The following NAALADL2 variants were observed in gnomAD, a reference collection of about 807,000 sequenced individuals.
NAALADL2 encodes N-acetylated alpha-linked acidic dipeptidase like 2, also known as inactive N-acetylated-alpha-linked acidic dipeptidase-like protein 2.
NAALADL2 carries 76 observed loss-of-function variants against 87.2 expected under a neutral mutation model. The ratio of observed to expected loss-of-function variants is 0.87; its 90% confidence interval spans 0.72 to 1.05. The LOEUF (loss-of-function observed/expected upper bound fraction) is 1.05. Ranked by LOEUF, NAALADL2 falls within the 50% of genes least tolerant of loss-of-function variation. The pLI is 0.00. For missense variants in NAALADL2, 1,089 were observed against 945.8 expected, an observed-to-expected ratio of 1.15 and a Z score of -1.99; for synonymous variants, 354 against 331.0, an observed-to-expected ratio of 1.07 and a Z score of -0.75.
At chr3:175,151,037 T>A (rs1731471284) in intron 2 of NAALADL2, among the ~76,000 whole-genome samples, 3 of 152,134 alleles carry the variant, frequency 2.0e-5, no homozygotes, top group Admixed American at 2.0e-4. Flanking sequence ...AATTCAAAAT[T>A]TGTTTAAACA....
At chr3:175,780,267 C>T (rs1750861145) in intron 13 of NAALADL2, among the ~76,000 whole-genome samples, 1 of 150,960 alleles carries the variant, frequency 6.6e-6, no homozygotes, top group African/African-American at 2.4e-5. Flanking sequence ...CAGAGCGAGA[C>T]TCTGTCTCAA....
intron 1 of NAALADL2, among the ~76,000 whole-genome samples, chr3:174,930,037 T>A (rs1736638756): frequency 6.6e-6 from 1 of 152,208 alleles, no homozygotes; most frequent in Non-Finnish European, 1.5e-5. Context: ...TTAGTTTCTC[T>A]CTTAGTGTAC....
chr3:175,601,372 A>G (rs1019325252), intron 10 of NAALADL2, among the ~76,000 whole-genome samples: 3 of 152,306 alleles, frequency 2.0e-5, no homozygotes, highest in South Asian at 4.1e-4. Context: ...GCTTTCTTAC[A>G]CCAAACAGCA....
chr3:175,785,051 G>A (rs1014853921), intron 13 of NAALADL2, among the ~76,000 whole-genome samples: 1 of 151,192 alleles, frequency 6.6e-6, no homozygotes, highest in African/African-American at 2.4e-5. Flanking sequence ...TAGTTTGATT[G>A]CACTGTGGTC....
At chr3:175,309,281 G>T (rs1027590004) in intron 4 of NAALADL2, among the ~76,000 whole-genome samples, 4 of 151,998 alleles carry the variant, frequency 2.6e-5, no homozygotes. Context: ...TACCTCCCGG[G>T]TTCAAGTGAT....
intron 1 of NAALADL2, among the ~76,000 whole-genome samples, chr3:174,887,250 T>C (rs920152405): frequency 6.8e-6 from 1 of 147,872 alleles, no homozygotes; most frequent in Non-Finnish European, 1.5e-5. Context: ...TAGTTAAATG[T>C]AATTTAGATG....
At chr3:175,187,507 C>T (rs1393594813) in intron 2 of NAALADL2, among the ~76,000 whole-genome samples, 1 of 151,898 alleles carries the variant, frequency 6.6e-6, no homozygotes. Context: ...TTTTTTGTTC[C>T]CGCAAGTCTT....
At chr3:175,168,293 C>T (rs991409369) in intron 2 of NAALADL2, among the ~76,000 whole-genome samples, 5 of 151,872 alleles carry the variant, frequency 3.3e-5, no homozygotes, top group African/African-American at 1.2e-4. Flanking sequence ...GGAACTAAAA[C>T]TAGGCTACTT....
chr3:174,533,264 AC>A (rs1340803693), intron 1 of NAALADL2, among the ~76,000 whole-genome samples: 1 of 151,406 alleles, frequency 6.6e-6, no homozygotes, highest in African/African-American at 2.4e-5. Context: ...CCAAGGAGGC[AC>A]CCCTCTGCAT....
chr3:175,253,869 G>A (rs966610501), intron 3 of NAALADL2, among the ~76,000 whole-genome samples: 15 of 152,154 alleles, frequency 9.9e-5, no homozygotes, highest in African/African-American at 3.4e-4. Flanking sequence ...ACCTGAAGAT[G>A]TGACTAAATT....
At chr3:174,839,826 A>G (rs934196901) in intron 3 of NAALADL2, among the ~76,000 whole-genome samples, 2 of 147,284 alleles carry the variant, frequency 1.4e-5, no homozygotes, top group African/African-American at 5.2e-5. Context: ...GAATGGCCAT[A>G]ATAAAAAAAA....
At chr3:175,361,713 T>C (rs1207757693) in intron 5 of NAALADL2, among the ~76,000 whole-genome samples, 2 of 148,452 alleles carry the variant, frequency 1.3e-5, no homozygotes, top group East Asian at 2.0e-4. Context: ...TTGATGGGGT[T>C]GTTTGATTTT....
intron 1 of NAALADL2, among the ~76,000 whole-genome samples, chr3:175,004,109 C>G (rs12633104): frequency 0.078 from 11,846 of 152,168 alleles, 508 homozygotes; most frequent in East Asian, 0.12. Context: ...GGAATGGTAG[C>G]TAATGCCTGT....
At chr3:174,461,764 G>C (rs1426377933) in intron 1 of NAALADL2, among the ~76,000 whole-genome samples, 2 of 151,968 alleles carry the variant, frequency 1.3e-5, no homozygotes, top group Non-Finnish European at 2.9e-5. Flanking sequence ...CTATACTATA[G>C]TGCCCTTATA....
intron 12 of NAALADL2, among the ~76,000 whole-genome samples, chr3:175,753,615 C>T (rs1746882455): frequency 1.3e-5 from 2 of 152,106 alleles, no homozygotes; most frequent in Admixed American, 6.5e-5. Context: ...TAGCATATCA[C>T]CTCTCTGTAA....
chr3:175,667,396 G>A (rs991472929), intron 11 of NAALADL2, among the ~76,000 whole-genome samples: 20 of 152,048 alleles, frequency 1.3e-4, no homozygotes, highest in African/African-American at 4.1e-4. Context: ...AAATTGTCAC[G>A]TTTAAAATCT....
intron 2 of NAALADL2, among the ~76,000 whole-genome samples, chr3:174,561,104 A>C (rs1336911684): frequency 6.6e-6 from 1 of 152,158 alleles, no homozygotes; most frequent in African/African-American, 2.4e-5. Flanking sequence ...TAAGCGGTAA[A>C]TTTATAACCC....
chr3:174,457,076 C>T (rs1297009682), intron 1 of NAALADL2, among the ~76,000 whole-genome samples: 1 of 151,928 alleles, frequency 6.6e-6, no homozygotes, highest in African/African-American at 2.4e-5. Context: ...AGATAGGATA[C>T]ATATGGTCAA....
intron 2 of NAALADL2, among the ~76,000 whole-genome samples, chr3:175,134,203 G>A (rs533241527): frequency 8.5e-5 from 13 of 152,294 alleles, no homozygotes; most frequent in African/African-American, 3.1e-4. Context: ...GTGCTCAAGT[G>A]CCATGTGAGA....
Sources: gnomAD v4.1 joint callset for allele counts (sites outside exome capture counted in the v4.1 genomes callset) on GRCh38, gnomAD v4.1.1 for gene constraint, MANE v1.5 for transcripts, NCBI Gene and HGNC (gene_info 2026-07-23, HGNC 2026-07-21) for gene names.